HEATR5A: variants seen among roughly 807,000 people sequenced by gnomAD.
HEATR5A encodes the protein HEAT repeat containing 5A.
Under a neutral mutation model 218.8 loss-of-function variants are expected in HEATR5A, and 178 were observed. The observed-to-expected ratio is 0.81, with a 90% CI of 0.72 to 0.92. The LOEUF (loss-of-function observed/expected upper bound fraction) is 0.92, where lower values mean the gene tolerates loss of function less well. Among genes scored for constraint, HEATR5A ranks in the 40% least tolerant of loss-of-function variants. The pLI, the probability that HEATR5A is intolerant of heterozygous loss-of-function variation, is 0.00. For synonymous variants in HEATR5A, 864 were observed against 871.6 expected, an observed-to-expected ratio of 0.99 and a Z score of 0.15; for missense variants, 2,420 against 2,418.9, an observed-to-expected ratio of 1.00 and a Z score of -0.01.
intron 21 of HEATR5A, among the ~76,000 whole-genome samples, chr14:31,342,511 C>T (rs1848503564): frequency 6.6e-6 from 1 of 152,096 alleles, no homozygotes; most frequent in Admixed American, 6.6e-5. Context: ...TAACTAAATG[C>T]CTGAGACATT....
chr14:31,417,085 CA>C lies in HEATR5A; in HGVS notation c.-75+3386del, dbSNP rs542877562. ...AATAAAAATAAACAAATAAATAAAA[CA>C]AAAAAAACCCTGCTTTGAGTAAAGG... is the stretch of plus-strand genomic sequence containing the variant. On this transcript the variant is annotated intron_variant, in intron 1 of 35. Coordinates refer to ENST00000543095, the MANE Select transcript of HEATR5A (RefSeq NM_015473.4). Among the ~76,000 whole-genome samples the C allele has an allele frequency of 1.6e-4, 24 of 151,412 alleles. No homozygotes were observed. The South Asian group carries it at 4.8e-3, about 30-fold the overall frequency.
In HEATR5A at chr14:31,343,870, G is replaced by C. The variant is rs761900105; in HGVS notation, c.3228+26C>G. 6 of 1,516,826 alleles carry C rather than the reference G, an allele frequency of 4.0e-6. No homozygotes were observed. In the African/African-American group the frequency reaches 4.2e-5, roughly 11 times the overall value. 94.0% of individuals were successfully genotyped at this position (1,516,826 alleles called of 1,614,324 possible). ...CTAAGATTCAAATAAAAGAAACTAA[G>C]AGCTCGTTTACAATTCTATACTCAC... On this transcript the variant is annotated intron_variant, in intron 21 of 35. Coordinates refer to ENST00000543095, the MANE Select transcript of HEATR5A (RefSeq NM_015473.4).
At chr14:31,349,605 G>C (rs1275481913) in intron 18 of HEATR5A, among the ~76,000 whole-genome samples, 184 bp downstream of exon 18, 1 of 152,128 alleles carries the variant, frequency 6.6e-6, no homozygotes, top group African/African-American at 2.4e-5. Context: ...TGAAATAGTA[G>C]TTGTTTTATG....
At chr14:31,364,897 G>A (rs1324480837) in intron 13 of HEATR5A, among the ~76,000 whole-genome samples, 1 of 152,114 alleles carries the variant, frequency 6.6e-6, no homozygotes, top group East Asian at 1.9e-4. Flanking sequence ...GTTTTGAGAT[G>A]GAGTCTCACT....
At chr14:31,319,450 G>T (rs1443627723) in intron 25 of HEATR5A, among the ~76,000 whole-genome samples, 1 of 152,154 alleles carries the variant, frequency 6.6e-6, no homozygotes, top group African/African-American at 2.4e-5. Flanking sequence ...ACCGCGCCCG[G>T]CCTCTAATAT....
chr14:31,336,853 G>A (rs1402396059), intron 22 of HEATR5A, among the ~76,000 whole-genome samples: 1 of 152,126 alleles, frequency 6.6e-6, no homozygotes, highest in Admixed American at 6.5e-5. Flanking sequence ...AGAATGTGTT[G>A]TTAGGCAATT....
intron 2 of HEATR5A, 58 bp from the exon 3 acceptor site, chr14:31,400,570 CT>C (rs1812383449): frequency 1.1e-5 from 12 of 1,110,710 alleles, no homozygotes; most frequent in East Asian, 2.7e-5. Context: ...CTGTAATCCC[CT>C]AATATAATTT....
chr14:31,345,204 T>C lies in HEATR5A; in HGVS notation c.2941A>G (p.Thr981Ala), dbSNP rs752372410. The change falls in exon 20 of 36, where the codon ACC becomes GCC. Residue 981 changes from threonine to alanine, a missense_variant. By Grantham distance (58) the Thr-to-Ala change is moderately conservative (BLOSUM62 0). Coordinates refer to ENST00000543095, the MANE Select transcript of HEATR5A (RefSeq NM_015473.4). Reference sequence around the variant, plus strand: ...AACAACATTATAATAAGAGAAAGGGTAGGTTCCACATGCACATAATAGAGT... The same window carrying C: ...AACAACATTATAATAAGAGAAAGGGCAGGTTCCACATGCACATAATAGAGT... ...GPLYYVHVEPTLSLIIMLLLN... is the reference protein window; with the variant it reads ...GPLYYVHVEPALSLIIMLLLN... 6.2e-7 allele frequency: 1 copy of C among 1,613,456 alleles called. No homozygotes were observed. The highest frequency in any genetic ancestry group is 1.7e-5 in the Admixed American group (1 of 59,998).
chr14:31,398,330 T>A (rs1045774785), intron 4 of HEATR5A, among the ~76,000 whole-genome samples: 2 of 152,216 alleles, frequency 1.3e-5, no homozygotes, highest in Non-Finnish European at 2.9e-5. Context: ...AACTATGTAG[T>A]CCCTGGTGAC....
chr14:31,399,109 G>C (rs1274583298), intron 3 of HEATR5A, among the ~76,000 whole-genome samples: 1 of 152,076 alleles, frequency 6.6e-6, no homozygotes, highest in Non-Finnish European at 1.5e-5. Context: ...TTTTATACAT[G>C]GTGTAACAGA....
At position 31,309,047 on chromosome 14, in the gene HEATR5A, G is replaced by C; in HGVS notation, c.4577C>G (p.Ala1526Gly). 2 of 1,613,954 alleles carry C rather than the reference G, an allele frequency of 1.2e-6. No homozygotes were observed. Among genetic ancestry groups the C allele is most frequent in the Non-Finnish European group, 1.7e-6 (2 of 1,179,876 alleles). ...GFVVADPDEGASNLSRPVTPT... is the reference protein window; with the variant it reads ...GFVVADPDEGGSNLSRPVTPT... ...TGTTACAGGCCTGGAGAGATTAGAT[G>C]CTCCTTCATCTGGGTCAGCAACAAC... Residue 1526 changes from alanine (A) to glycine (G), a missense_variant, in exon 29 of 36, where the codon GCA becomes GGA. Ala to Gly is a moderately conservative substitution (Grantham distance 60). Coordinates refer to ENST00000543095, the MANE Select transcript of HEATR5A (RefSeq NM_015473.4).
At chr14:31,358,342 GTGTCTT>G (rs1429795914) in intron 16 of HEATR5A, among the ~76,000 whole-genome samples, 1 of 152,082 alleles carries the variant, frequency 6.6e-6, no homozygotes, top group African/African-American at 2.4e-5. Flanking sequence ...AACCTAGTAT[GTGTCTT>G]TGTAATGACT....
intron 30 of HEATR5A, 95 bp downstream of exon 30, chr14:31,307,798 T>C (rs1015950237): frequency 1.9e-5 from 26 of 1,402,470 alleles, no homozygotes; most frequent in Non-Finnish European, 2.5e-5. Context: ...AAAAAATTTC[T>C]GTGTGTTTAC....
chr14:31,340,548 G>C (rs768360485), intron 21 of HEATR5A: 5 of 923,616 alleles, frequency 5.4e-6, no homozygotes, highest in Non-Finnish European at 7.6e-6. Context: ...TTTGACAACA[G>C]TCAGCTAAGC....
chr14:31,347,213 C>CTAT (rs1230159046), intron 19 of HEATR5A, among the ~76,000 whole-genome samples: 1 of 152,034 alleles, frequency 6.6e-6, no homozygotes, highest in African/African-American at 2.4e-5. Context: ...TTATTTATTA[C>CTAT]TATTATTATT....
chr14:31,326,059 T>C, intron 23 of HEATR5A, 104 bp downstream of exon 23: 1 of 795,864 alleles, frequency 1.3e-6, no homozygotes, highest in Non-Finnish European at 2.1e-6. Flanking sequence ...ACAGTCAGAA[T>C]CCAGCTAGTT....
At chr14:31,329,651 C>T (rs747596807) in intron 22 of HEATR5A, among the ~76,000 whole-genome samples, 17 of 152,304 alleles carry the variant, frequency 1.1e-4, no homozygotes, top group South Asian at 4.1e-4. Flanking sequence ...GTATATGTGG[C>T]TTTTTCAGGC....
chr14:31,311,047 A>T (rs1899732602), intron 28 of HEATR5A, among the ~76,000 whole-genome samples: 1 of 151,012 alleles, frequency 6.6e-6, no homozygotes, highest in African/African-American at 2.4e-5. Flanking sequence ...CCAACCAACC[A>T]ACCAACCAAC....
chr14:31,343,088 CTTT>C (rs200758726), intron 21 of HEATR5A, among the ~76,000 whole-genome samples: 2 of 139,808 alleles, frequency 1.4e-5, no homozygotes, highest in African/African-American at 2.6e-5. Context: ...CATGGTAAAT[CTTT>C]TTTTTTTTTT....
Sources: allele counts gnomAD v4.1 joint callset (sites outside exome capture counted in the v4.1 genomes callset), GRCh38; gene constraint gnomAD v4.1.1; transcripts MANE v1.5; gene names NCBI Gene and HGNC (gene_info 2026-07-23, HGNC 2026-07-21).